LRMDA: variants seen among roughly 807,000 people sequenced by gnomAD.
LRMDA encodes the protein leucine rich melanocyte differentiation associated, also known as leucine-rich melanocyte differentiation-associated protein.
A neutral mutation model predicts 29.8 loss-of-function variants in LRMDA; 18 were observed. The ratio of observed to expected loss-of-function variants is 0.60; its 90% confidence interval spans 0.42 to 0.90. The LOEUF is 0.90. LRMDA is among the 40% of genes least tolerant of loss of function. The pLI, the probability that LRMDA is intolerant of heterozygous loss-of-function variation, is 0.00. For synonymous variants in LRMDA, 125 were observed against 109.4 expected (o/e 1.14, Z -0.89); for missense variants, 273 against 273.9 (o/e 1.00, Z 0.02).
intron 2 of LRMDA, among the ~76,000 whole-genome samples, chr10:75,961,140 C>A (rs1846758924): frequency 6.6e-6 from 1 of 152,124 alleles, no homozygotes; most frequent in African/African-American, 2.4e-5. Flanking sequence ...ATAATAAATG[C>A]TTTTCCAAGA....
intron 2 of LRMDA, among the ~76,000 whole-genome samples, chr10:75,758,053 G>C (rs1293387786): frequency 6.6e-6 from 1 of 152,178 alleles, no homozygotes; most frequent in African/African-American, 2.4e-5. Flanking sequence ...ACTGTCCTTG[G>C]CCTCCCAAAG....
At chr10:76,254,529 C>A (rs1852555030) in intron 5 of LRMDA, among the ~76,000 whole-genome samples, 1 of 152,090 alleles carries the variant, frequency 6.6e-6, no homozygotes. Context: ...TAGGCACGGT[C>A]ACTTTCTCCT....
intron 5 of LRMDA, among the ~76,000 whole-genome samples, chr10:76,076,346 A>G (rs1848957147): frequency 1.6e-5 from 1 of 63,676 alleles, no homozygotes; most frequent in Non-Finnish European, 4.5e-5. Flanking sequence ...ACTCCATCTC[A>G]AAAAAAAAAA....
chr10:75,600,236 C>T (rs1840864952), intron 2 of LRMDA, among the ~76,000 whole-genome samples: 1 of 152,186 alleles, frequency 6.6e-6, no homozygotes, highest in African/African-American at 2.4e-5. Context: ...CTTTCCACAG[C>T]ATTCTTTGTC....
chr10:75,821,456 A>C (rs1333805236), intron 2 of LRMDA, among the ~76,000 whole-genome samples: 1 of 152,320 alleles, frequency 6.6e-6, no homozygotes, highest in Middle Eastern at 3.4e-3. Context: ...ATTAGATAAC[A>C]TCCAGCATCT....
intron 2 of LRMDA, among the ~76,000 whole-genome samples, chr10:75,521,623 C>T (rs1344860984): frequency 6.6e-6 from 1 of 152,198 alleles, no homozygotes; most frequent in South Asian, 2.1e-4. Context: ...TAATGGCTTC[C>T]CTTGACTAGG....
At chr10:75,471,047 C>T (rs953971062) in intron 2 of LRMDA, among the ~76,000 whole-genome samples, 2 of 152,094 alleles carry the variant, frequency 1.3e-5, no homozygotes, top group Non-Finnish European at 2.9e-5. Flanking sequence ...GGGCTCTCTG[C>T]CTTGAGCAAA....
At chr10:76,299,634 G>T (rs1012791802) in intron 5 of LRMDA, among the ~76,000 whole-genome samples, 9 of 145,526 alleles carry the variant, frequency 6.2e-5, no homozygotes, top group African/African-American at 2.3e-4. Context: ...ACTCATTCCT[G>T]CAAGGACAGT....
chr10:75,572,544 G>A (rs1368951742), intron 2 of LRMDA, among the ~76,000 whole-genome samples: 2 of 152,016 alleles, frequency 1.3e-5, no homozygotes, highest in African/African-American at 2.4e-5. Flanking sequence ...TTTAAGTTTC[G>A]ATTTCTGCCA....
At chr10:75,444,601 G>A (rs12262111) in intron 2 of LRMDA, among the ~76,000 whole-genome samples, 1,973 of 152,220 alleles carry the variant, frequency 0.013, 50 homozygotes, top group African/African-American at 0.045. Context: ...ACAGGCAGGG[G>A]GCATGACATT....
chr10:76,463,488 G>A (rs141471271), intron 6 of LRMDA, among the ~76,000 whole-genome samples: 1 of 152,284 alleles, frequency 6.6e-6, no homozygotes, highest in East Asian at 1.9e-4. Context: ...CAGGTGGATT[G>A]GCAACAGGAT....
At chr10:75,958,593 A>C (rs915981202) in intron 2 of LRMDA, among the ~76,000 whole-genome samples, 3 of 152,104 alleles carry the variant, frequency 2.0e-5, no homozygotes, top group Non-Finnish European at 4.4e-5. Context: ...TTTCTCTAAT[A>C]AGTGTAGAGT....
chr10:76,359,371 G>A (rs117540191), intron 6 of LRMDA, among the ~76,000 whole-genome samples: 94 of 152,320 alleles, frequency 6.2e-4, no homozygotes, highest in South Asian at 2.1e-3. Flanking sequence ...GTGAGAATAT[G>A]AGACATTCAT....
intron 6 of LRMDA, among the ~76,000 whole-genome samples, chr10:76,361,135 C>T (rs968276356): frequency 6.6e-6 from 1 of 152,034 alleles, no homozygotes; most frequent in Non-Finnish European, 1.5e-5. Flanking sequence ...GTGTTGTGTG[C>T]CTGTAGTCCC....
intron 6 of LRMDA, among the ~76,000 whole-genome samples, chr10:76,389,028 G>A (rs890810630): frequency 4.6e-5 from 7 of 152,196 alleles, no homozygotes; most frequent in African/African-American, 1.7e-4. Flanking sequence ...AGGACAGGGA[G>A]CAGGGAGTAG....
chr10:75,853,727 G>A (rs1844772711), intron 2 of LRMDA, among the ~76,000 whole-genome samples: 1 of 152,156 alleles, frequency 6.6e-6, no homozygotes, highest in Non-Finnish European at 1.5e-5. Flanking sequence ...CTTGAAACCA[G>A]CCGACTCTGT....
intron 4 of LRMDA, among the ~76,000 whole-genome samples, chr10:76,057,450 C>A (rs1848635133): frequency 6.6e-6 from 1 of 152,134 alleles, no homozygotes; most frequent in Non-Finnish European, 1.5e-5. Context: ...TGAGAGTGAG[C>A]AAATAAATTT....
rs566297224 is a variant in LRMDA at position 76,076,060 on chromosome 10, T to C, written c.516+17277T>C. On this transcript the variant is annotated intron_variant, in intron 5 of 6. Transcript: ENST00000611255. The stretch of plus-strand genomic sequence containing the variant: ...GTGCCCAATAAAGACTTAATAACTT[T>C]GGGCTGGGCGCGGTGGCTCATGCCT... 1.5e-4 allele frequency among the ~76,000 whole-genome samples: 23 copies of C among 152,268 alleles called. 1 individual carries two copies. Among genetic ancestry groups the C allele is most frequent in the African/African-American group, 5.1e-4 (21 of 41,562 alleles).
chr10:75,586,011 C>CT (rs546063564), intron 2 of LRMDA, among the ~76,000 whole-genome samples: 49 of 152,052 alleles, frequency 3.2e-4, no homozygotes, highest in Non-Finnish European at 6.2e-4. Flanking sequence ...AATTTCCTCC[C>CT]TTTTTTTTAA....
Sources: allele counts gnomAD v4.1 joint callset (sites outside exome capture counted in the v4.1 genomes callset), GRCh38; gene constraint gnomAD v4.1.1; transcripts MANE v1.5; gene names NCBI Gene and HGNC (gene_info 2026-07-23, HGNC 2026-07-21).